SLC12A6: variants seen among roughly 807,000 people sequenced by gnomAD.
SLC12A6 encodes solute carrier family 12 member 6.
SLC12A6 carries 66 observed loss-of-function variants against 135.3 expected under a neutral mutation model. That is an observed-to-expected ratio of 0.49 (90% CI 0.40 to 0.60). The LOEUF (loss-of-function observed/expected upper bound fraction) is 0.60, where lower values mean the gene tolerates loss of function less well. SLC12A6 is among the 20% of genes least tolerant of loss of function. SLC12A6 has a pLI of 0.00. For synonymous variants in SLC12A6, 513 were observed against 508.8 expected, an observed-to-expected ratio of 1.01 and a Z score of -0.11; for missense variants, 1,058 against 1,452.3, an observed-to-expected ratio of 0.73 and a Z score of 4.41.
chr15:34,245,429 C>G, intron 14 of SLC12A6, 26 bp from the exon 15 acceptor site: 1 of 1,260,220 alleles, frequency 7.9e-7, no homozygotes. Context: ...AAATATCAGG[C>G]ACAGGAGTAC....
At chr15:34,256,051 A>G (rs1892733654) in intron 7 of SLC12A6, among the ~76,000 whole-genome samples, 178 bp downstream of exon 7, 1 of 152,224 alleles carries the variant, frequency 6.6e-6, no homozygotes, top group African/African-American at 2.4e-5. Context: ...AAGAGATTTT[A>G]AAGACGGCAT....
chr15:34,268,887 T>C (rs745646537), intron 3 of SLC12A6, among the ~76,000 whole-genome samples: 1 of 151,946 alleles, frequency 6.6e-6, no homozygotes, highest in Non-Finnish European at 1.5e-5. Context: ...GACGGAGTCT[T>C]GCTCTGTTGC....
At chr15:34,297,606 G>A (rs347842) in intron 2 of SLC12A6, among the ~76,000 whole-genome samples, 47,722 of 152,074 alleles carry the variant, frequency 0.31, 8,575 homozygotes, top group African/African-American at 0.5. Flanking sequence ...CTAGCAGGAA[G>A]CAGTGTGAGG....
At chr15:34,320,346 C>T (rs1393993609) in intron 2 of SLC12A6, among the ~76,000 whole-genome samples, 3 of 152,026 alleles carry the variant, frequency 2.0e-5, no homozygotes, top group African/African-American at 4.8e-5. Flanking sequence ...TGCGGCAACA[C>T]GGATGGAACT....
chr15:34,259,316 G>C (rs1892957073), intron 4 of SLC12A6, among the ~76,000 whole-genome samples: 1 of 151,714 alleles, frequency 6.6e-6, no homozygotes, highest in African/African-American at 2.4e-5. Context: ...GCTCCAGCCT[G>C]GGCAACAGAG....
At chr15:34,320,235 G>A (rs1457983726) in intron 2 of SLC12A6, among the ~76,000 whole-genome samples, 1 of 152,134 alleles carries the variant, frequency 6.6e-6, no homozygotes, top group Non-Finnish European at 1.5e-5. Context: ...CCAAAATATG[G>A]AATCAACTTA....
chr15:34,291,442 A>T (rs1214326466), intron 2 of SLC12A6, among the ~76,000 whole-genome samples: 2 of 152,188 alleles, frequency 1.3e-5, no homozygotes, highest in Non-Finnish European at 2.9e-5. Flanking sequence ...ACCTTGGTGA[A>T]TCTGACAATT....
At chr15:34,306,113 T>C (rs1896598127) in intron 2 of SLC12A6, among the ~76,000 whole-genome samples, 1 of 152,210 alleles carries the variant, frequency 6.6e-6, no homozygotes, top group African/African-American at 2.4e-5. Context: ...TCTAAGTGGT[T>C]TTTCTCTTTC....
intron 2 of SLC12A6, among the ~76,000 whole-genome samples, chr15:34,280,775 A>G (rs1894622527): frequency 6.6e-6 from 1 of 152,230 alleles, no homozygotes; most frequent in Non-Finnish European, 1.5e-5. Flanking sequence ...ATATGGACTC[A>G]ACCTGGGTGT....
chr15:34,319,573 C>G (rs191249198), intron 2 of SLC12A6, among the ~76,000 whole-genome samples: 14 of 151,748 alleles, frequency 9.2e-5, no homozygotes, highest in African/African-American at 3.4e-4. Flanking sequence ...CCAAGGTGGG[C>G]GGGTCACCTG....
chr15:34,234,573 T>C (rs2140629809), intron 25 of SLC12A6, among the ~76,000 whole-genome samples: 1 of 152,246 alleles, frequency 6.6e-6, no homozygotes, highest in East Asian at 1.9e-4. Context: ...GGTTTCACCA[T>C]GTTGGCCAGG....
At chr15:34,330,515 A>C (rs988035115) in intron 2 of SLC12A6, among the ~76,000 whole-genome samples, 1 of 152,010 alleles carries the variant, frequency 6.6e-6, no homozygotes, top group South Asian at 2.1e-4. Flanking sequence ...TCTACAAAAA[A>C]AAAATTAGCT....
intron 24 of SLC12A6, 136 bp from the exon 25 acceptor site, chr15:34,235,450 T>G: frequency 1.4e-6 from 1 of 726,300 alleles, no homozygotes; most frequent in Non-Finnish European, 2.2e-6. Flanking sequence ...TTTTTTTTTT[T>G]TGAGAGGGAG....
At chr15:34,308,115 T>C (rs1347199617) in intron 2 of SLC12A6, among the ~76,000 whole-genome samples, 2 of 152,190 alleles carry the variant, frequency 1.3e-5, no homozygotes, top group Non-Finnish European at 2.9e-5. Context: ...ATTAAAAATA[T>C]CTTACCTACC....
At chr15:34,238,879 T>C in intron 20 of SLC12A6, 86 bp downstream of exon 20, 1 of 1,181,706 alleles carries the variant, frequency 8.5e-7, no homozygotes, top group South Asian at 1.2e-5. Flanking sequence ...TGGCATAGTC[T>C]CTACTTTAGG....
chr15:34,279,258 T>A (rs1894506340), intron 2 of SLC12A6, among the ~76,000 whole-genome samples: 1 of 151,444 alleles, frequency 6.6e-6, no homozygotes, highest in Admixed American at 6.6e-5. Flanking sequence ...AGGTTGCAGT[T>A]AGTGGAGATC....
chr15:34,234,830 C>A (rs1257248666), intron 25 of SLC12A6, among the ~76,000 whole-genome samples: 1 of 152,140 alleles, frequency 6.6e-6, no homozygotes, highest in Non-Finnish European at 1.5e-5. Context: ...CTCAGCTTCT[C>A]CCCTAACTCT....
chr15:34,275,528 T>TA, intron 2 of SLC12A6, 139 bp from the exon 3 acceptor site: 1 of 638,684 alleles, frequency 1.6e-6, no homozygotes, highest in Non-Finnish European at 2.8e-6. Context: ...GTGAAGATAA[T>TA]AAAAAATAGA....
Position 34,245,396 on chromosome 15 carries a change from C to G in SLC12A6, c.1832G>C (p.Gly611Ala). The change falls in exon 15 of 26, where the codon GGC becomes GCC. Residue 611 changes from glycine to alanine, a missense_variant. By Grantham distance (60) the Gly-to-Ala change is moderately conservative (BLOSUM62 0). Transcript: ENST00000354181. ...AGGTTCCCCATTGGCTTTGCTGTGG[C>G]CAAAAACCTGTACACAGAAGGGAAA... ...DNIIPFLRVF[G>A]HSKANGEPTW... 6.3e-7 allele frequency: 1 copy of G among 1,580,518 alleles called. No individual in the cohort carries two copies. Among genetic ancestry groups the G allele is most frequent in the South Asian group, 1.1e-5 (1 of 90,388 alleles).
Sources: allele counts gnomAD v4.1 joint callset (sites outside exome capture counted in the v4.1 genomes callset), GRCh38; gene constraint gnomAD v4.1.1; transcripts MANE v1.5; gene names NCBI Gene and HGNC (gene_info 2026-07-23, HGNC 2026-07-21).